MGAT4C: variants seen among roughly 807,000 people sequenced by gnomAD.
MGAT4C encodes alpha-1,3-mannosyl-glycoprotein 4-beta-N-acetylglucosaminyltransferase C.
MGAT4C carries 19 observed loss-of-function variants against 40.1 expected under a neutral mutation model. That is an observed-to-expected ratio of 0.47 (90% confidence interval 0.33 to 0.70). The LOEUF is 0.70. Ranked by LOEUF, MGAT4C falls within the 30% of genes least tolerant of loss-of-function variation. The probability of loss-of-function intolerance (pLI) is 0.02; values close to 1 mark genes in which losing one functional copy is unlikely to be tolerated. For synonymous variants in MGAT4C, 181 were observed against 187.1 expected, an observed-to-expected ratio of 0.97 and a Z score of 0.27; for missense variants, 491 against 563.2, an observed-to-expected ratio of 0.87 and a Z score of 1.30.
At chr12:86,654,424 A>G (rs1963784312) in intron 2 of MGAT4C, among the ~76,000 whole-genome samples, 1 of 151,882 alleles carries the variant, frequency 6.6e-6, no homozygotes, top group East Asian at 1.9e-4. Flanking sequence ...AGGCATTAAT[A>G]TAGGGAAACA....
chr12:86,366,746 T>A (rs1955606694), intron 3 of MGAT4C, among the ~76,000 whole-genome samples: 2 of 152,120 alleles, frequency 1.3e-5, no homozygotes, highest in South Asian at 4.1e-4. Context: ...TGTTTAAAAA[T>A]TAGCACATTA....
intron 1 of MGAT4C, among the ~76,000 whole-genome samples, chr12:86,201,580 T>C (rs1388035339): frequency 3.3e-5 from 5 of 151,092 alleles, no homozygotes; most frequent in Non-Finnish European, 7.4e-5. Flanking sequence ...TAATTCTTAT[T>C]ATAAGAAATC....
At chr12:86,181,332 T>C (rs1470569083) in intron 1 of MGAT4C, among the ~76,000 whole-genome samples, 3 of 152,156 alleles carry the variant, frequency 2.0e-5, no homozygotes, top group African/African-American at 7.2e-5. Context: ...ATTTTGATGG[T>C]AACTTAACAT....
intron 4 of MGAT4C, among the ~76,000 whole-genome samples, chr12:86,297,567 T>C (rs1953711832): frequency 6.6e-6 from 1 of 152,140 alleles, no homozygotes; most frequent in South Asian, 2.1e-4. Context: ...TCCAAATCCC[T>C]TGTGGATTGA....
intron 1 of MGAT4C, among the ~76,000 whole-genome samples, chr12:86,127,156 G>A (rs980746630): frequency 1.3e-5 from 2 of 152,108 alleles, no homozygotes; most frequent in Non-Finnish European, 2.9e-5. Context: ...GCGGCACAGG[G>A]GTTAGGGACC....
chr12:86,319,046 A>C, intron 4 of MGAT4C, among the ~76,000 whole-genome samples: 1 of 152,152 alleles, frequency 6.6e-6, no homozygotes, highest in East Asian at 1.9e-4. Context: ...ACAAACACCT[A>C]ACTACCCTTC....
intron 2 of MGAT4C, among the ~76,000 whole-genome samples, chr12:86,621,281 T>C (rs1184184784): frequency 2.6e-5 from 4 of 152,084 alleles, no homozygotes; most frequent in Non-Finnish European, 4.4e-5. Context: ...ATCCTCCTAC[T>C]TGAAACAAAT....
chr12:86,641,989 A>T (rs534512585), intron 2 of MGAT4C, among the ~76,000 whole-genome samples: 1 of 151,984 alleles, frequency 6.6e-6, no homozygotes, highest in South Asian at 2.1e-4. Context: ...ATATTTTGTC[A>T]ATAGGACCAT....
intron 2 of MGAT4C, among the ~76,000 whole-genome samples, chr12:86,616,239 C>T (rs1302528220): frequency 6.6e-6 from 1 of 151,958 alleles, no homozygotes; most frequent in African/African-American, 2.4e-5. Flanking sequence ...TTATAAAACC[C>T]CTGCTGTACT....
At chr12:85,989,699 G>C in intron 2 of MGAT4C, 147 bp from the exon 3 acceptor site, 1 of 666,202 alleles carries the variant, frequency 1.5e-6, no homozygotes, top group African/African-American at 1.8e-5. Flanking sequence ...CATAAGGTTG[G>C]CACAGATCAT....
At chr12:86,035,896 G>A (rs1488121782) in intron 2 of MGAT4C, among the ~76,000 whole-genome samples, 1 of 149,690 alleles carries the variant, frequency 6.7e-6, no homozygotes, top group African/African-American at 2.4e-5. Flanking sequence ...TAGATGTGTG[G>A]TGTTATTTCT....
At chr12:86,077,795 C>T (rs1442757882) in intron 1 of MGAT4C, among the ~76,000 whole-genome samples, 3 of 152,150 alleles carry the variant, frequency 2.0e-5, no homozygotes, top group Non-Finnish European at 2.9e-5. Context: ...ATCTCCTGTA[C>T]TCCATGCACA....
At chr12:86,115,102 C>A (rs1052561016) in intron 1 of MGAT4C, among the ~76,000 whole-genome samples, 3 of 151,844 alleles carry the variant, frequency 2.0e-5, no homozygotes, top group African/African-American at 7.3e-5. Flanking sequence ...CATTTCGGTA[C>A]CATTTCTTTG....
rs1458052443 is a variant in MGAT4C, at chr12:85,961,660, A to T, written c.*17629T>A. The T allele has an allele frequency of 6.6e-6, 1 of 151,862 alleles. No individual in the cohort carries two copies. The allele number at this position is 151,862 out of a possible 1,614,324, so 9.4% of individuals were successfully genotyped here. On this transcript the variant is annotated 3_prime_UTR_variant, in exon 5 of 5. Transcript: ENST00000611864. The stretch of plus-strand genomic sequence containing the variant: ...TGTCAGATACAATAAGAGCAACGGA[A>T]GAAAATGTATCAAAACACATCTCCA...
At chr12:86,114,794 C>T (rs375811301) in intron 1 of MGAT4C, among the ~76,000 whole-genome samples, 26 of 152,022 alleles carry the variant, frequency 1.7e-4, no homozygotes, top group African/African-American at 5.5e-4. Context: ...AACCGCCCCC[C>T]GGCCTTCATC....
chr12:86,450,475 A>G (rs1957407433), intron 2 of MGAT4C, among the ~76,000 whole-genome samples: 1 of 152,092 alleles, frequency 6.6e-6, no homozygotes, highest in Admixed American at 6.6e-5. Flanking sequence ...CACAGTTTTA[A>G]TCTCCTAAGA....
chr12:86,660,885 A>G (rs1963965314), intron 2 of MGAT4C, among the ~76,000 whole-genome samples: 1 of 152,166 alleles, frequency 6.6e-6, no homozygotes, highest in Non-Finnish European at 1.5e-5. Flanking sequence ...TTTTAAAAGC[A>G]ATTTCTCATA....
chr12:86,742,989 G>GTGTGTATGTGTGTA (rs1173098670), intron 1 of MGAT4C, among the ~76,000 whole-genome samples: 1 of 151,428 alleles, frequency 6.6e-6, no homozygotes, highest in Non-Finnish European at 1.5e-5. Flanking sequence ...ATATATGTGT[G>GTGTGTATGTGTGTA]TGTGTATGTG....
At chr12:86,138,591 C>CCATAGATATAT (rs1882364580) in intron 1 of MGAT4C, among the ~76,000 whole-genome samples, 6 of 142,468 alleles carry the variant, frequency 4.2e-5, no homozygotes, top group Admixed American at 7.2e-5. Flanking sequence ...ATATATATTT[C>CCATAGATATAT]CATATATATA....
Sources: allele counts gnomAD v4.1 joint callset (sites outside exome capture counted in the v4.1 genomes callset), GRCh38; gene constraint gnomAD v4.1.1; transcripts MANE v1.5; gene names NCBI Gene and HGNC (gene_info 2026-07-23, HGNC 2026-07-21).